Variants in DCHS2 observed in about 807,000 individuals in gnomAD.
The protein encoded by DCHS2 is dachsous cadherin-related 2, also known as protocadherin-23.
Under a neutral mutation model 182.4 loss-of-function variants are expected in DCHS2, and 142 were observed. The ratio of observed to expected loss-of-function variants is 0.78; its 90% CI spans 0.68 to 0.89. The LOEUF (loss-of-function observed/expected upper bound fraction) is 0.89. Ranked by LOEUF, DCHS2 falls within the 40% of genes least tolerant of loss-of-function variation. The pLI is 0.00. For synonymous variants in DCHS2, 1,740 were observed against 1,663.3 expected, an observed-to-expected ratio of 1.05 and a Z score of -1.12; for missense variants, 4,319 against 4,198.6, an observed-to-expected ratio of 1.03 and a Z score of -0.79.
At chr4:154,475,192 T>C (rs959625373) in intron 1 of DCHS2, among the ~76,000 whole-genome samples, 4 of 152,196 alleles carry the variant, frequency 2.6e-5, no homozygotes, top group Non-Finnish European at 5.9e-5. Context: ...GAACTCCTTC[T>C]GTAAACTTAT....
chr4:154,384,231 T>G (rs1731299165), intron 1 of DCHS2: 1 of 1,357,394 alleles, frequency 7.4e-7, no homozygotes, highest in Non-Finnish European at 9.9e-7. Flanking sequence ...CAAAGTCTAA[T>G]GATCGAGGCT....
At chr4:154,371,662 T>C (rs1416601576) in intron 2 of DCHS2, among the ~76,000 whole-genome samples, 6 of 152,086 alleles carry the variant, frequency 3.9e-5, no homozygotes, top group African/African-American at 1.4e-4. Flanking sequence ...ACAGGAAGCA[T>C]AGCAGCTTCA....
chr4:154,376,793 T>C (rs1275939152), intron 2 of DCHS2, among the ~76,000 whole-genome samples: 1 of 152,166 alleles, frequency 6.6e-6, no homozygotes, highest in Non-Finnish European at 1.5e-5. Context: ...CAGCCACATT[T>C]AGCATGTGGA....
At chr4:154,258,021 T>C (rs1732783098) in intron 15 of DCHS2, among the ~76,000 whole-genome samples, 1 of 152,202 alleles carries the variant, frequency 6.6e-6, no homozygotes, top group South Asian at 2.1e-4. Flanking sequence ...GGGGATCCTC[T>C]TGTGACAAGG....
chr4:154,333,866 G>T (rs533666598), intron 4 of DCHS2: 442 of 204,988 alleles, frequency 2.2e-3, no homozygotes, highest in Non-Finnish European at 3.9e-3. Context: ...TTCTAATGAG[G>T]CATTTCTCAA....
intron 1 of DCHS2, among the ~76,000 whole-genome samples, chr4:154,417,204 T>TGAGAAAGA (rs1732889745): frequency 2.8e-4 from 11 of 39,474 alleles, no homozygotes; most frequent in Non-Finnish European, 9.5e-5. Flanking sequence ...TGTGTGTGTG[T>TGAGAAAGA]GAGAGAGAGA....
chr4:154,488,732 A>G (rs1040485777), intron 1 of DCHS2, among the ~76,000 whole-genome samples: 2 of 152,012 alleles, frequency 1.3e-5, no homozygotes, highest in Non-Finnish European at 2.9e-5. Context: ...GTGAAACCCC[A>G]TCTCCACTAA....
intron 14 of DCHS2, among the ~76,000 whole-genome samples, chr4:154,265,880 C>G (rs78743285): frequency 0.058 from 8,830 of 152,134 alleles, 509 homozygotes; most frequent in Admixed American, 0.18. Flanking sequence ...TCTGAGACCC[C>G]CCAGTGAATG....
At chr4:154,339,305 T>C (rs1358106386) in intron 3 of DCHS2, among the ~76,000 whole-genome samples, 4 of 152,206 alleles carry the variant, frequency 2.6e-5, no homozygotes, top group Non-Finnish European at 5.9e-5. Flanking sequence ...TCACCCATTC[T>C]AGGGCTGGCC....
chr4:154,332,372 C>T (rs6843162), intron 5 of DCHS2, 106 bp downstream of exon 5: 1 of 1,057,446 alleles, frequency 9.5e-7, no homozygotes, highest in Non-Finnish European at 1.3e-6. Flanking sequence ...TGAGTTTTCT[C>T]AATCCTGATT....
At chr4:154,396,281 T>G (rs990082904) in intron 1 of DCHS2, among the ~76,000 whole-genome samples, 1 of 148,476 alleles carries the variant, frequency 6.7e-6, no homozygotes, top group African/African-American at 2.5e-5. Flanking sequence ...GAGGGAAAAA[T>G]GGGAGATGGA....
chr4:154,453,390 A>G (rs1734621915), intron 1 of DCHS2, among the ~76,000 whole-genome samples: 1 of 151,802 alleles, frequency 6.6e-6, no homozygotes, highest in Non-Finnish European at 1.5e-5. Flanking sequence ...AGGAAATCAT[A>G]AAGATTTTTT....
In DCHS2 at chr4:154,298,634, C is replaced by A. The variant is rs1415166495; in HGVS notation, c.5680G>T (p.Glu1894Ter). The change falls in exon 13 of 20, where the codon GAG becomes TAG. Residue 1894 changes from glutamate (E) to a stop codon, truncating the protein, a stop_gained. Coordinates refer to ENST00000357232, the MANE Select transcript of DCHS2 (RefSeq NM_001358235.2). LOFTEE classifies it high-confidence loss of function. ...ELSTTRALDR[E>*]QISNFTLVIL... ...ACAAGGGTAAAATTGCTGATTTGCT[C>A]CCGGTCCAAAGCACGAGTGGTTGAG... The A allele has an allele frequency of 1.9e-6, 3 of 1,613,758 alleles. No individual in the cohort carries two copies. Among genetic ancestry groups the A allele is most frequent in the African/African-American group, 2.7e-5 (2 of 74,906 alleles).
chr4:154,405,579 A>C (rs56155318), intron 1 of DCHS2, among the ~76,000 whole-genome samples: 2 of 152,062 alleles, frequency 1.3e-5, no homozygotes, highest in Admixed American at 1.3e-4. Flanking sequence ...ATATTTTTTA[A>C]ATCTTTTTTC....
intron 2 of DCHS2, among the ~76,000 whole-genome samples, chr4:154,372,556 T>A (rs1003046333): frequency 1.3e-5 from 2 of 152,006 alleles, no homozygotes; most frequent in East Asian, 1.9e-4. Flanking sequence ...GAATCCAGGA[T>A]GTAACAAAAA....
intron 1 of DCHS2, chr4:154,384,569 T>C (rs1731317347): frequency 1.3e-6 from 2 of 1,498,242 alleles, no homozygotes; most frequent in Non-Finnish European, 1.8e-6. Context: ...TAGTGAGTAC[T>C]ACCTTATATG....
intron 13 of DCHS2, among the ~76,000 whole-genome samples, chr4:154,288,434 C>G (rs1028659444): frequency 3.3e-5 from 5 of 152,002 alleles, no homozygotes; most frequent in Non-Finnish European, 5.9e-5. Flanking sequence ...TATTATTAGA[C>G]CTAAAGAGAG....
Position 154,491,617 on chromosome 4 carries a change from C to A in DCHS2, c.-262G>T, listed in dbSNP as rs1179521546. ...TCTTCTGCCCCTGGATTTCTTTAAACGAATCTCATCTCTTTTTCTCTCTCC... is the reference window on the plus strand; with the variant it reads ...TCTTCTGCCCCTGGATTTCTTTAAAAGAATCTCATCTCTTTTTCTCTCTCC... On this transcript the variant is annotated 5_prime_UTR_variant, in exon 1 of 20. Coordinates refer to ENST00000357232, the MANE Select transcript of DCHS2 (RefSeq NM_001358235.2). 19 of 1,322,196 alleles carry A rather than the reference C, an allele frequency of 1.4e-5. No homozygotes were observed. In the East Asian group the frequency reaches 2.9e-4, roughly 21 times the overall value. 81.9% of individuals were successfully genotyped at this position (1,322,196 alleles called of 1,614,324 possible).
In DCHS2 at chr4:154,491,290, GA is replaced by G; in HGVS notation, c.65del (p.Leu22ProfsTer52). Reference sequence around the variant, plus strand: ...TATCTCTCCTCCCGGGGAGCAGAAGGAGCTTCCCGACCGGAGCCCGCCGCTG... The same window carrying G: ...TATCTCTCCTCCCGGGGAGCAGAAGGGCTTCCCGACCGGAGCCCGCCGCTG... ...RQQRRAPVGK[L>X]LLLPGRRDTP... On this transcript the variant is annotated frameshift_variant, in exon 1 of 20. Coordinates refer to ENST00000357232, the MANE Select transcript of DCHS2 (RefSeq NM_001358235.2). LOFTEE classifies it high-confidence loss of function. 6.5e-7 allele frequency: 1 copy of G among 1,549,242 alleles called. No individual in the cohort carries two copies. Among genetic ancestry groups the G allele is most frequent in the Non-Finnish European group, 8.7e-7 (1 of 1,145,528 alleles).
Sources: allele counts gnomAD v4.1 joint callset (sites outside exome capture counted in the v4.1 genomes callset), GRCh38; gene constraint gnomAD v4.1.1; transcripts MANE v1.5; gene names NCBI Gene and HGNC (gene_info 2026-07-23, HGNC 2026-07-21).